The following SLIT1 variants were observed in gnomAD, a reference collection of about 807,000 sequenced individuals.
The protein encoded by SLIT1 is slit homolog 1 protein.
A neutral mutation model predicts 186.1 loss-of-function variants in SLIT1; 66 were observed. The ratio of observed to expected loss-of-function variants is 0.35; its 90% confidence interval spans 0.29 to 0.44. The LOEUF is 0.44. SLIT1 is among the 20% of genes least tolerant of loss of function. SLIT1 has a pLI of 1.00. For missense variants in SLIT1, 1,638 were observed against 2,037.4 expected (o/e 0.80, Z 3.77); for synonymous variants, 761 against 833.8 (o/e 0.91, Z 1.50).
chr10:97,041,189 G>C (rs2134620183), intron 20 of SLIT1, among the ~76,000 whole-genome samples: 1 of 152,286 alleles, frequency 6.6e-6, no homozygotes, highest in Non-Finnish European at 1.5e-5. Context: ...ATATACGTAG[G>C]GAGCATCTAC....
intron 1 of SLIT1, among the ~76,000 whole-genome samples, chr10:97,171,083 G>C (rs1258891649): frequency 6.6e-6 from 1 of 152,138 alleles, no homozygotes; most frequent in Non-Finnish European, 1.5e-5. Flanking sequence ...AAGAAACCAC[G>C]CATGCTGTCA....
At chr10:97,024,513 C>A (rs1030344529) in intron 25 of SLIT1, among the ~76,000 whole-genome samples, 3 of 152,158 alleles carry the variant, frequency 2.0e-5, no homozygotes, top group African/African-American at 7.2e-5. Flanking sequence ...TCATTTTTTT[C>A]TTTCCTTATT....
chr10:97,172,001 G>A (rs1043312485), intron 1 of SLIT1, among the ~76,000 whole-genome samples: 6 of 150,770 alleles, frequency 4.0e-5, no homozygotes, highest in African/African-American at 1.5e-4. Context: ...CCCACAGAGC[G>A]CCCCAACCCT....
At chr10:97,032,101 G>A (rs1214770546) in intron 23 of SLIT1, among the ~76,000 whole-genome samples, 4 of 152,228 alleles carry the variant, frequency 2.6e-5, no homozygotes, top group Non-Finnish European at 5.9e-5. Flanking sequence ...ACCTGACTGC[G>A]GGGAGCTCAC....
At position 96,998,217 on chromosome 10, in the gene SLIT1, C is replaced by T. The variant is rs539848841; in HGVS notation, c.*2895G>A. On this transcript the variant is annotated 3_prime_UTR_variant, in exon 37 of 37. Coordinates refer to ENST00000266058, the MANE Select transcript of SLIT1 (RefSeq NM_003061.3). ...AACAAAACGTGCCACGACCACATAG[C>T]ATCTGAAAGGCAAAACAAGACGCTG... The T allele has an allele frequency of 6.8e-4, 103 of 152,338 alleles. No homozygotes were observed. Among genetic ancestry groups the T allele is most frequent in the African/African-American group, 2.4e-3 (99 of 41,568 alleles). The allele number at this position is 152,338 out of a possible 1,614,324, so 9.4% of individuals were successfully genotyped here.
chr10:97,014,432 C>T, intron 28 of SLIT1, among the ~76,000 whole-genome samples: 1 of 151,972 alleles, frequency 6.6e-6, no homozygotes, highest in East Asian at 1.9e-4. Context: ...GGAGCGGGCA[C>T]AGAGGGGCAG....
chr10:97,160,309 A>G (rs1408034413), intron 3 of SLIT1, among the ~76,000 whole-genome samples: 1 of 152,244 alleles, frequency 6.6e-6, no homozygotes, highest in Non-Finnish European at 1.5e-5. Flanking sequence ...TATTACATAA[A>G]TGAATGAAAT....
rs1419257981 is a variant in SLIT1, at chr10:97,022,739, A to G, written c.2583-1326T>C. ...CACATTACGAAAAACAAAAGTCTAC[A>G]CCCCACTGTCACTGCCCTCCACAAA... On this transcript the variant is annotated intron_variant, in intron 25 of 36. Transcript: ENST00000266058. This position sits in a 1 kb window ranked among gnomAD's most constrained non-coding sequence, Gnocchi z 4.2. Among the ~76,000 whole-genome samples the G allele has an allele frequency of 1.3e-5, 2 of 152,104 alleles. No individual in the cohort carries two copies. Among genetic ancestry groups the G allele is most frequent in the Non-Finnish European group, 2.9e-5 (2 of 68,026 alleles).
intron 4 of SLIT1, among the ~76,000 whole-genome samples, chr10:97,090,235 G>A (rs1003255288): frequency 6.6e-6 from 1 of 152,214 alleles, no homozygotes; most frequent in Non-Finnish European, 1.5e-5. Flanking sequence ...AGGATGGAGA[G>A]GGAGTGGGAA....
At chr10:97,055,943 C>T (rs536875212) in intron 13 of SLIT1, among the ~76,000 whole-genome samples, 2 of 152,266 alleles carry the variant, frequency 1.3e-5, no homozygotes, top group South Asian at 2.1e-4. Flanking sequence ...TTAGAATCAG[C>T]GCGATATATT....
At chr10:97,096,321 C>T (rs548438733) in intron 4 of SLIT1, among the ~76,000 whole-genome samples, 1 of 152,222 alleles carries the variant, frequency 6.6e-6, no homozygotes, top group South Asian at 2.1e-4. Context: ...TGCTTCCTGC[C>T]CCCACTCACT....
rs36000443 is a variant in SLIT1 at position 97,184,018 on chromosome 10, C to CCACACACA, written c.197+1452_197+1459dup. Among the ~76,000 whole-genome samples, 1,852 of 142,542 alleles carry CCACACACA rather than the reference C, an allele frequency of 0.013. 18 individuals are homozygous for CCACACACA. Among genetic ancestry groups the CCACACACA allele is most frequent in the Middle Eastern group, 0.021 (6 of 280 alleles). 93.5% of individuals were successfully genotyped at this position (142,542 alleles called of 152,430 possible). A position where few individuals can be genotyped will look rare whatever the true frequency, so the allele number is the denominator to read the frequency against. ...ATTCACACACACACATACACATGCA[C>CCACACACA]CACACACACACACACACACACACAC... is the stretch of plus-strand genomic sequence containing the variant. On this transcript the variant is annotated intron_variant, in intron 1 of 36. Transcript: ENST00000266058. The surrounding 1 kb of genome is among the most constrained non-coding windows in gnomAD (Gnocchi z 4.4).
At position 97,180,221 on chromosome 10, in the gene SLIT1, T is replaced by C. The variant is rs1850316514; in HGVS notation, c.197+5257A>G. Among the ~76,000 whole-genome samples the C allele has an allele frequency of 2.0e-5, 3 of 152,270 alleles. No individual in the cohort carries two copies. The South Asian group carries it at 6.2e-4, about 32-fold the overall frequency. ...TTTCCTTCACATCCCTGCAATTCTC[T>C]GTCACCTTAATAACAATAATAATAC... On this transcript the variant is annotated intron_variant, in intron 1 of 36. Coordinates refer to ENST00000266058, the MANE Select transcript of SLIT1 (RefSeq NM_003061.3).
chr10:97,143,263 A>C (rs1238731552), intron 4 of SLIT1, among the ~76,000 whole-genome samples: 2 of 152,226 alleles, frequency 1.3e-5, no homozygotes, highest in African/African-American at 4.8e-5. Context: ...GATAACCAAA[A>C]TGTGGGGTAT....
chr10:97,061,348 G>C (rs1164439972), intron 8 of SLIT1, among the ~76,000 whole-genome samples: 1 of 152,144 alleles, frequency 6.6e-6, no homozygotes, highest in African/African-American at 2.4e-5. Context: ...TCTGAAATAA[G>C]AGCCTTTGAA....
At chr10:97,069,025 C>G (rs112164524) in intron 4 of SLIT1, among the ~76,000 whole-genome samples, 2,181 of 152,308 alleles carry the variant, frequency 0.014, 47 homozygotes, top group African/African-American at 0.046. Context: ...AAATTGCTAC[C>G]CTGGTGGTGC....
chr10:97,150,631 T>C (rs1189998961), intron 4 of SLIT1, among the ~76,000 whole-genome samples: 1 of 132,750 alleles, frequency 7.5e-6, no homozygotes, highest in Non-Finnish European at 1.6e-5. Flanking sequence ...AAGGTCAATC[T>C]TGTTGGGACA....
chr10:97,047,905 GC>G, intron 15 of SLIT1, 67 bp downstream of exon 15: 1 of 1,612,970 alleles, frequency 6.2e-7, no homozygotes, highest in Middle Eastern at 1.7e-4. Context: ...GTCAACCAAG[GC>G]CCCCAGCCTG....
At chr10:97,005,413 G>A (rs1006830774) in intron 32 of SLIT1, among the ~76,000 whole-genome samples, 4 of 152,136 alleles carry the variant, frequency 2.6e-5, no homozygotes, top group Non-Finnish European at 5.9e-5. Context: ...TGCTCCCTCC[G>A]TTTCTTCTGG....
Sources: gnomAD v4.1 joint callset for allele counts (sites outside exome capture counted in the v4.1 genomes callset) on GRCh38, gnomAD v4.1.1 for gene constraint, Gnocchi (gnomAD v3.1) non-coding constraint, MANE v1.5 for transcripts, NCBI Gene and HGNC (gene_info 2026-07-23, HGNC 2026-07-21) for gene names.